Variants in GRAMD1B observed in about 807,000 individuals in gnomAD.
GRAMD1B encodes protein Aster-B.
GRAMD1B carries 37 observed loss-of-function variants against 99.7 expected under a neutral mutation model. The ratio of observed to expected loss-of-function variants is 0.37; its 90% CI spans 0.29 to 0.49. The LOEUF (loss-of-function observed/expected upper bound fraction) is 0.49, where lower values mean the gene tolerates loss of function less well. GRAMD1B is among the 20% of genes least tolerant of loss of function. GRAMD1B has a pLI of 0.98. For synonymous variants in GRAMD1B, 427 were observed against 387.6 expected (o/e 1.10, Z -1.19); for missense variants, 888 against 1,009.2 (o/e 0.88, Z 1.63).
intron 1 of GRAMD1B, among the ~76,000 whole-genome samples, chr11:123,391,514 TGGCATGATCTC>T (rs1042355699): frequency 6.6e-6 from 1 of 152,164 alleles, no homozygotes; most frequent in African/African-American, 2.4e-5. Context: ...TGGAGTGCAG[TGGCATGATCTC>T]GGCTCACTGC....
chr11:123,380,689 C>T (rs1377219418), intron 1 of GRAMD1B, among the ~76,000 whole-genome samples: 1 of 152,152 alleles, frequency 6.6e-6, no homozygotes, highest in African/African-American at 2.4e-5. Flanking sequence ...TGCTCTCTGC[C>T]TCCTGTCCTG....
intron 1 of GRAMD1B, among the ~76,000 whole-genome samples, chr11:123,413,336 G>T (rs1358149759): frequency 6.6e-6 from 1 of 152,188 alleles, no homozygotes; most frequent in Admixed American, 6.5e-5. Flanking sequence ...GTCCATGGGA[G>T]AGATTAGGGG....
intron 1 of GRAMD1B, among the ~76,000 whole-genome samples, chr11:123,465,598 C>A (rs542869228): frequency 7.0e-4 from 105 of 150,126 alleles, no homozygotes; most frequent in African/African-American, 2.5e-3. Context: ...GAAACCCCAT[C>A]TCTACTAAAA....
At chr11:123,582,570 C>A (rs1442887347) in intron 3 of GRAMD1B, among the ~76,000 whole-genome samples, 1 of 152,086 alleles carries the variant, frequency 6.6e-6, no homozygotes, top group Non-Finnish European at 1.5e-5. Flanking sequence ...TAGTCACATC[C>A]TGGCCATCGA....
At chr11:123,454,386 T>TC (rs1410298411) in intron 1 of GRAMD1B, 1 of 152,216 alleles carries the variant, frequency 6.6e-6, no homozygotes, top group Non-Finnish European at 1.5e-5. Flanking sequence ...CGTTGTTTTT[T>TC]CGTCATTGCC....
chr11:123,491,333 T>C (rs1017423677), intron 2 of GRAMD1B, among the ~76,000 whole-genome samples: 13 of 152,202 alleles, frequency 8.5e-5, no homozygotes, highest in African/African-American at 2.9e-4. Context: ...AGTAGCATAT[T>C]TCCAGAATAG....
chr11:123,544,073 A>C (rs562450058), intron 2 of GRAMD1B, among the ~76,000 whole-genome samples: 1 of 152,298 alleles, frequency 6.6e-6, no homozygotes, highest in South Asian at 2.1e-4. Flanking sequence ...TTTCTTAATG[A>C]GGGCCTCCTT....
intron 1 of GRAMD1B, among the ~76,000 whole-genome samples, chr11:123,415,555 G>A (rs1027097802): frequency 1.3e-5 from 2 of 151,424 alleles, no homozygotes; most frequent in African/African-American, 2.4e-5. Flanking sequence ...CCTTCAGGAC[G>A]CCTTAGGTCT....
intron 14 of GRAMD1B, among the ~76,000 whole-genome samples, chr11:123,611,579 C>T (rs1953575834): frequency 6.6e-6 from 1 of 152,118 alleles, no homozygotes; most frequent in African/African-American, 2.4e-5. Flanking sequence ...TTCTCTCTCC[C>T]TTCTCTTCTT....
At chr11:123,577,308 C>T (rs962867015) in intron 2 of GRAMD1B, 59 bp from the exon 3 acceptor site, 70 of 1,394,996 alleles carry the variant, frequency 5.0e-5, no homozygotes, top group Non-Finnish European at 6.8e-5. Context: ...TCACTGACTG[C>T]CTGCCTTTCC....
intron 2 of GRAMD1B, among the ~76,000 whole-genome samples, chr11:123,513,071 G>A (rs992361475): frequency 2.0e-5 from 3 of 152,188 alleles, no homozygotes; most frequent in Non-Finnish European, 2.9e-5. Context: ...AAAGCAGCTT[G>A]TAAGTAACTT....
intron 1 of GRAMD1B, among the ~76,000 whole-genome samples, chr11:123,442,220 C>T (rs1260814003): frequency 6.6e-6 from 1 of 152,180 alleles, no homozygotes; most frequent in East Asian, 1.9e-4. Flanking sequence ...ACTTCAGATG[C>T]CAATCACAAG....
At chr11:123,425,312 C>T (rs543764800), upstream of GRAMD1B, among the ~76,000 whole-genome samples, 1 of 152,136 alleles carries the variant, frequency 6.6e-6, no homozygotes, top group South Asian at 2.1e-4. Context: ...CACATGCCAC[C>T]TGCTTTCCTT....
intron 2 of GRAMD1B, among the ~76,000 whole-genome samples, chr11:123,571,427 A>G (rs924373163): frequency 6.6e-6 from 1 of 152,152 alleles, no homozygotes; most frequent in African/African-American, 2.4e-5. Flanking sequence ...CTCTTTTTCT[A>G]CTTCCCTTTT....
At chr11:123,603,578 G>GCCCT in intron 9 of GRAMD1B, 37 bp downstream of exon 9, 1 of 1,230,690 alleles carries the variant, frequency 8.1e-7, no homozygotes, top group Non-Finnish European at 1.2e-6. Flanking sequence ...AGAGGCAGCC[G>GCCCT]TGCGAGTGCC....
At chr11:123,396,771 G>T (rs1947479544) in intron 1 of GRAMD1B, among the ~76,000 whole-genome samples, 1 of 152,194 alleles carries the variant, frequency 6.6e-6, no homozygotes, top group Admixed American at 6.5e-5. Context: ...GGGGTTTCCT[G>T]TTGAAATATT....
At chr11:123,514,505 T>A (rs1012894113) in intron 2 of GRAMD1B, among the ~76,000 whole-genome samples, 1 of 152,220 alleles carries the variant, frequency 6.6e-6, no homozygotes, top group African/African-American at 2.4e-5. Context: ...CTGCAGATAG[T>A]CACTGAATGG....
intron 2 of GRAMD1B, among the ~76,000 whole-genome samples, chr11:123,551,233 G>A (rs149991788): frequency 1.2e-4 from 18 of 152,326 alleles, no homozygotes; most frequent in African/African-American, 4.8e-5. Flanking sequence ...CTGTCCTCAG[G>A]GAGGGGCGTT....
chr11:123,490,329 G>T (rs918545740), intron 2 of GRAMD1B, among the ~76,000 whole-genome samples: 1 of 152,126 alleles, frequency 6.6e-6, no homozygotes, highest in Non-Finnish European at 1.5e-5. Flanking sequence ...TGAGGCAGGC[G>T]CTTCGATGGC....
Sources: allele counts gnomAD v4.1 joint callset (sites outside exome capture counted in the v4.1 genomes callset), GRCh38; gene constraint gnomAD v4.1.1; transcripts MANE v1.5; gene names NCBI Gene and HGNC (gene_info 2026-07-23, HGNC 2026-07-21).